MARCHF1: variants seen among roughly 807,000 people sequenced by gnomAD.
MARCHF1 encodes the protein E3 ubiquitin-protein ligase MARCHF1.
MARCHF1 carries 40 observed loss-of-function variants against 54.2 expected under a neutral mutation model. The ratio of observed to expected loss-of-function variants is 0.74; its 90% CI spans 0.57 to 0.96. The LOEUF is 0.96. MARCHF1 is among the 40% of genes least tolerant of loss of function. The pLI, the probability that MARCHF1 is intolerant of heterozygous loss-of-function variation, is 0.00. For synonymous variants in MARCHF1, 236 were observed against 236.3 expected (o/e 1.00, Z 0.01); for missense variants, 586 against 656.5 (o/e 0.89, Z 1.17).
At chr4:164,270,717 G>T (rs1409147000) in intron 1 of MARCHF1, among the ~76,000 whole-genome samples, 2 of 152,144 alleles carry the variant, frequency 1.3e-5, no homozygotes, top group African/African-American at 4.8e-5. Flanking sequence ...ATTCGTGCAT[G>T]CCTAACAAAC....
At chr4:164,181,693 A>G (rs918447538) in intron 1 of MARCHF1, among the ~76,000 whole-genome samples, 5 of 152,154 alleles carry the variant, frequency 3.3e-5, no homozygotes, top group African/African-American at 9.7e-5. Flanking sequence ...AATAGATGTG[A>G]TAAGCGCTGC....
At chr4:164,342,767 A>T (rs1262665958) in intron 1 of MARCHF1, among the ~76,000 whole-genome samples, 1 of 151,930 alleles carries the variant, frequency 6.6e-6, no homozygotes, top group Non-Finnish European at 1.5e-5. Flanking sequence ...ATATACGCAA[A>T]CACACACACA....
chr4:163,993,809 G>C (rs1202289242), intron 2 of MARCHF1, among the ~76,000 whole-genome samples: 2 of 152,028 alleles, frequency 1.3e-5, no homozygotes, highest in African/African-American at 4.8e-5. Flanking sequence ...TAACATGTTA[G>C]AAGTAATCAA....
intron 4 of MARCHF1, among the ~76,000 whole-genome samples, chr4:163,840,199 G>A (rs976442420): frequency 9.2e-5 from 14 of 151,982 alleles, no homozygotes. Flanking sequence ...TCTGAAATTC[G>A]TTGAAATCTT....
At chr4:163,598,710 G>A (rs989939894) in intron 7 of MARCHF1, among the ~76,000 whole-genome samples, 2 of 152,210 alleles carry the variant, frequency 1.3e-5, no homozygotes, top group African/African-American at 2.4e-5. Flanking sequence ...TTCTGGATGA[G>A]TCAGTGAGTG....
At chr4:164,134,532 C>T (rs1756362711) in intron 1 of MARCHF1, among the ~76,000 whole-genome samples, 1 of 152,110 alleles carries the variant, frequency 6.6e-6, no homozygotes, top group Non-Finnish European at 1.5e-5. Flanking sequence ...TAGTGCATGT[C>T]TCCTGCTAAT....
chr4:163,687,441 T>C (rs957040428), intron 5 of MARCHF1, among the ~76,000 whole-genome samples: 1 of 152,162 alleles, frequency 6.6e-6, no homozygotes, highest in Non-Finnish European at 1.5e-5. Context: ...TTGGCCAGGA[T>C]GGTCCAAAGT....
At chr4:163,830,491 A>C (rs1169503727) in intron 4 of MARCHF1, among the ~76,000 whole-genome samples, 1 of 152,162 alleles carries the variant, frequency 6.6e-6, no homozygotes, top group Admixed American at 6.5e-5. Flanking sequence ...GGTGGACAGG[A>C]TGCTGAGGAC....
At chr4:164,326,722 G>C (rs929080821) in intron 1 of MARCHF1, among the ~76,000 whole-genome samples, 2 of 152,136 alleles carry the variant, frequency 1.3e-5, no homozygotes, top group African/African-American at 4.8e-5. Flanking sequence ...AACTAAAAAT[G>C]TTCTGAGGCA....
intron 1 of MARCHF1, among the ~76,000 whole-genome samples, chr4:164,310,453 G>A (rs1015550148): frequency 1.3e-5 from 2 of 151,874 alleles, no homozygotes; most frequent in Non-Finnish European, 2.9e-5. Context: ...ATAAAATAAT[G>A]TTCCTTTTAT....
chr4:163,814,733 A>G (rs1033757759), intron 4 of MARCHF1, among the ~76,000 whole-genome samples: 1 of 152,220 alleles, frequency 6.6e-6, no homozygotes, highest in Admixed American at 6.6e-5. Context: ...GCACTTACAT[A>G]TCATGTGGCT....
intron 2 of MARCHF1, among the ~76,000 whole-genome samples, chr4:164,069,849 G>A (rs1354840563): frequency 2.0e-5 from 3 of 152,140 alleles, no homozygotes; most frequent in Non-Finnish European, 2.9e-5. Flanking sequence ...CAATAGAGAA[G>A]ACGTGGAATT....
chr4:164,133,041 A>G (rs1756333493), intron 1 of MARCHF1, among the ~76,000 whole-genome samples: 1 of 152,202 alleles, frequency 6.6e-6, no homozygotes, highest in African/African-American at 2.4e-5. Context: ...TCCCAGACAC[A>G]ATTTGTACTA....
chr4:164,298,026 T>G (rs550559120), intron 1 of MARCHF1, among the ~76,000 whole-genome samples: 2 of 152,098 alleles, frequency 1.3e-5, no homozygotes, highest in South Asian at 4.1e-4. Context: ...TCTAGTTATA[T>G]GTCTCAACAC....
chr4:164,159,776 G>T (rs10024778), intron 1 of MARCHF1, among the ~76,000 whole-genome samples: 29,030 of 151,970 alleles, frequency 0.19, 4,424 homozygotes, highest in African/African-American at 0.41. Flanking sequence ...GCAGGAAATA[G>T]AGTATAGTGG....
At chr4:164,346,482 T>C (rs1730100524) in intron 1 of MARCHF1, among the ~76,000 whole-genome samples, 1 of 151,782 alleles carries the variant, frequency 6.6e-6, no homozygotes, top group African/African-American at 2.4e-5. Context: ...ACATCACAAT[T>C]GCTAGACTGA....
At chr4:163,600,346 C>T (rs1740923410) in intron 7 of MARCHF1, among the ~76,000 whole-genome samples, 1 of 152,080 alleles carries the variant, frequency 6.6e-6, no homozygotes, top group Admixed American at 6.6e-5. Context: ...TAATAATGTA[C>T]CCATGCTGAA....
chr4:163,577,519 A>G (rs574142156), intron 8 of MARCHF1, among the ~76,000 whole-genome samples: 45 of 152,016 alleles, frequency 3.0e-4, no homozygotes, highest in Non-Finnish European at 5.6e-4. Flanking sequence ...AAGATTTTAA[A>G]TTTCATGTTG....
chr4:164,018,670 T>C (rs1753598360), intron 2 of MARCHF1, among the ~76,000 whole-genome samples: 1 of 152,116 alleles, frequency 6.6e-6, no homozygotes, highest in East Asian at 1.9e-4. Flanking sequence ...AAAAGTTATA[T>C]TATTATGTTT....
Sources: allele counts gnomAD v4.1 joint callset (sites outside exome capture counted in the v4.1 genomes callset), GRCh38; gene constraint gnomAD v4.1.1; transcripts MANE v1.5; gene names NCBI Gene and HGNC (gene_info 2026-07-23, HGNC 2026-07-21).